Variants in CATSPERB observed in about 807,000 individuals in gnomAD.
The protein encoded by CATSPERB is catsper channel auxiliary subunit beta.
A neutral mutation model predicts 128.3 loss-of-function variants in CATSPERB; 93 were observed. The observed-to-expected ratio is 0.72, with a 90% CI of 0.61 to 0.86. CATSPERB has a LOEUF of 0.86. CATSPERB is among the 40% of genes least tolerant of loss of function. The probability of loss-of-function intolerance (pLI) is 0.00; values close to 1 mark genes in which losing one functional copy is unlikely to be tolerated. For missense variants in CATSPERB, 1,153 were observed against 1,329.5 expected, an observed-to-expected ratio of 0.87 and a Z score of 2.06; for synonymous variants, 381 against 448.8, an observed-to-expected ratio of 0.85 and a Z score of 1.91.
chr14:91,651,098 G>A (rs1894697508), intron 15 of CATSPERB, among the ~76,000 whole-genome samples: 1 of 152,172 alleles, frequency 6.6e-6, no homozygotes, highest in Non-Finnish European at 1.5e-5. Flanking sequence ...TGGTGCAATG[G>A]AAGACTGATT....
At chr14:91,691,576 T>A (rs748458517) in intron 9 of CATSPERB, 21 bp from the exon 10 acceptor site, 4 of 1,593,356 alleles carry the variant, frequency 2.5e-6, no homozygotes, top group Non-Finnish European at 3.4e-6. Context: ...AGAAGAAACT[T>A]TAATTTTTGC....
intron 15 of CATSPERB, among the ~76,000 whole-genome samples, chr14:91,656,188 A>G (rs925871891): frequency 1.3e-5 from 2 of 152,176 alleles, no homozygotes; most frequent in African/African-American, 4.8e-5. Context: ...GCTAAAGGGA[A>G]TACTTCAAGC....
chr14:91,702,408 C>A (rs1895665397), intron 7 of CATSPERB, among the ~76,000 whole-genome samples: 1 of 150,796 alleles, frequency 6.6e-6, no homozygotes, highest in African/African-American at 2.4e-5. Context: ...ATTACTTTTG[C>A]ACCAACCTAG....
At chr14:91,720,045 G>A (rs1010907569) in intron 4 of CATSPERB, among the ~76,000 whole-genome samples, 22 of 152,260 alleles carry the variant, frequency 1.4e-4, no homozygotes, top group African/African-American at 4.6e-4. Flanking sequence ...TCTTAGAGAC[G>A]TGTGGTACAA....
intron 6 of CATSPERB, among the ~76,000 whole-genome samples, chr14:91,707,696 T>C (rs1252835913): frequency 6.7e-6 from 1 of 148,202 alleles, no homozygotes; most frequent in Non-Finnish European, 1.5e-5. Context: ...CCTCCTGGGT[T>C]TAAGCGATTC....
chr14:91,723,202 A>AAT lies in CATSPERB; in HGVS notation c.169-14_169-13insAT. On this transcript the variant is annotated splice_polypyrimidine_tract_variant and intron_variant, in intron 3 of 26. Coordinates refer to ENST00000256343, the MANE Select transcript of CATSPERB (RefSeq NM_024764.4). Reference sequence around the variant, plus strand: ...AACACTGGATTTTCTTTAGGAAAGCAAGAAAAAAAAAAACAACTAATAACC... The same window carrying AAT: ...AACACTGGATTTTCTTTAGGAAAGCAATAGAAAAAAAAAAACAACTAATAACC... 1 of 1,430,864 alleles carries AAT rather than the reference A, an allele frequency of 7.0e-7. No homozygotes were observed. Among genetic ancestry groups the AAT allele is most frequent in the Non-Finnish European group, 9.1e-7 (1 of 1,093,642 alleles). The allele number at this position is 1,430,864 out of a possible 1,614,324, so 88.6% of individuals were successfully genotyped here.
chr14:91,642,668 C>A (rs1320816274), intron 15 of CATSPERB, among the ~76,000 whole-genome samples: 1 of 101,224 alleles, frequency 9.9e-6, no homozygotes, highest in Non-Finnish European at 2.0e-5. Flanking sequence ...GTCTAAAATT[C>A]TCTTTTTTGG....
intron 26 of CATSPERB, among the ~76,000 whole-genome samples, chr14:91,586,854 A>G (rs2139755880): frequency 6.6e-6 from 1 of 152,360 alleles, no homozygotes; most frequent in South Asian, 2.1e-4. Context: ...GAAACTAAAA[A>G]GTTACAGAAA....
chr14:91,720,792 CAA>C (rs1294617578), intron 4 of CATSPERB, among the ~76,000 whole-genome samples: 1 of 151,978 alleles, frequency 6.6e-6, no homozygotes, highest in East Asian at 1.9e-4. Context: ...TGAAAAAGAA[CAA>C]AGTTAGAAGA....
intron 2 of CATSPERB, among the ~76,000 whole-genome samples, chr14:91,726,362 G>A (rs550707010): frequency 8.7e-4 from 133 of 152,290 alleles, no homozygotes; most frequent in Non-Finnish European, 1.4e-3. Context: ...CTGCCCATCT[G>A]CATGCTCCCC....
At chr14:91,664,171 G>A (rs1315680991) in intron 14 of CATSPERB, among the ~76,000 whole-genome samples, 2 of 151,246 alleles carry the variant, frequency 1.3e-5, no homozygotes, top group East Asian at 3.9e-4. Flanking sequence ...GCCTTTTCCA[G>A]AATGTCATAT....
At chr14:91,713,153 T>C (rs1190475386) in intron 5 of CATSPERB, among the ~76,000 whole-genome samples, 1 of 152,114 alleles carries the variant, frequency 6.6e-6, no homozygotes, top group African/African-American at 2.4e-5. Flanking sequence ...AAAGCAGCCA[T>C]AGAAGACACA....
chr14:91,719,308 G>A (rs1895991676), intron 5 of CATSPERB, 110 bp downstream of exon 5: 3 of 694,130 alleles, frequency 4.3e-6, no homozygotes, highest in Non-Finnish European at 6.7e-6. Flanking sequence ...TACCACATGG[G>A]GGATTTACAT....
intron 22 of CATSPERB, among the ~76,000 whole-genome samples, chr14:91,600,324 G>A (rs1382004026): frequency 6.6e-6 from 1 of 152,060 alleles, no homozygotes; most frequent in Non-Finnish European, 1.5e-5. Flanking sequence ...ACTGTGAAGG[G>A]ATATCTCAAG....
In CATSPERB at chr14:91,654,995, AAT is replaced by A. The variant is rs1359401963; in HGVS notation, c.1432+4840_1432+4841del. ...ACAGTCTCTTCCTGTAATACCTGGT[AAT>A]ACAGTCTCTTCCTGTAATACCTGGT... On this transcript the variant is annotated intron_variant, in intron 15 of 26. Coordinates refer to ENST00000256343, the MANE Select transcript of CATSPERB (RefSeq NM_024764.4). Among the ~76,000 whole-genome samples the A allele has an allele frequency of 1.4e-3, 215 of 152,162 alleles. 1 individual carries two copies. The highest frequency in any genetic ancestry group is 6.8e-3 in the Middle Eastern group (2 of 294).
At chr14:91,633,459 A>C (rs1200102508) in intron 17 of CATSPERB, among the ~76,000 whole-genome samples, 1 of 152,156 alleles carries the variant, frequency 6.6e-6, no homozygotes, top group Non-Finnish European at 1.5e-5. Flanking sequence ...GGCTAGTACA[A>C]TCTTGTTAAC....
At chr14:91,603,355 A>G in intron 22 of CATSPERB, 1 of 1,609,394 alleles carries the variant, frequency 6.2e-7, no homozygotes, top group Non-Finnish European at 8.5e-7. Flanking sequence ...ACATCAGGTA[A>G]CTTTTTACCT....
At chr14:91,688,852 C>T (rs72629401) in intron 10 of CATSPERB, among the ~76,000 whole-genome samples, 11,368 of 152,194 alleles carry the variant, frequency 0.075, 616 homozygotes, top group East Asian at 0.13. Context: ...TAGGTGCTCA[C>T]TGGGTATCTG....
chr14:91,668,942 G>C (rs1475863142), intron 14 of CATSPERB, among the ~76,000 whole-genome samples: 1 of 152,212 alleles, frequency 6.6e-6, no homozygotes, highest in Non-Finnish European at 1.5e-5. Context: ...GCGAAACCAA[G>C]AACCCACCGG....
Sources: gnomAD v4.1 joint callset for allele counts (sites outside exome capture counted in the v4.1 genomes callset) on GRCh38, gnomAD v4.1.1 for gene constraint, MANE v1.5 for transcripts, NCBI Gene and HGNC (gene_info 2026-07-23, HGNC 2026-07-21) for gene names.